The following ZNF407 variants were observed in gnomAD, a reference collection of about 807,000 sequenced individuals.
ZNF407 encodes the protein zinc finger protein 407.
Under a neutral mutation model 131.2 loss-of-function variants are expected in ZNF407, and 17 were observed. The observed-to-expected ratio is 0.13, with a 90% confidence interval of 0.09 to 0.19. The LOEUF (loss-of-function observed/expected upper bound fraction) is 0.19, where lower values mean the gene tolerates loss of function less well. ZNF407 is among the 10% of genes least tolerant of loss of function. The pLI, the probability that ZNF407 is intolerant of heterozygous loss-of-function variation, is 1.00. For missense variants in ZNF407, 2,681 were observed against 2,830.6 expected, an observed-to-expected ratio of 0.95 and a Z score of 1.20; for synonymous variants, 1,156 against 1,062.0, an observed-to-expected ratio of 1.09 and a Z score of -1.72.
intron 3 of ZNF407, among the ~76,000 whole-genome samples, chr18:74,688,632 A>G (rs1967150373): frequency 6.6e-6 from 1 of 152,138 alleles, no homozygotes; most frequent in Admixed American, 6.6e-5. Flanking sequence ...TTCTATTTTT[A>G]ATAGAAGTTT....
chr18:74,707,700 T>C (rs997327310), intron 3 of ZNF407, among the ~76,000 whole-genome samples: 5 of 152,238 alleles, frequency 3.3e-5, no homozygotes, highest in African/African-American at 4.8e-5. Flanking sequence ...TTGGTATTAG[T>C]CTTATACTTT....
intron 8 of ZNF407, among the ~76,000 whole-genome samples, chr18:75,041,606 G>A (rs1455732108): frequency 1.4e-5 from 2 of 146,410 alleles, no homozygotes; most frequent in Non-Finnish European, 3.0e-5. Context: ...TGTAGCGCAT[G>A]TGTGTGCATG....
At chr18:75,005,711 C>G (rs1423151401) in intron 8 of ZNF407, among the ~76,000 whole-genome samples, 1 of 128,640 alleles carries the variant, frequency 7.8e-6, no homozygotes, top group Non-Finnish European at 1.6e-5. Flanking sequence ...CCCCCCCACC[C>G]ACCCCCCGCC....
At chr18:74,676,593 T>TAC (rs1568161408) in intron 3 of ZNF407, among the ~76,000 whole-genome samples, 4 of 145,258 alleles carry the variant, frequency 2.8e-5, no homozygotes, top group Non-Finnish European at 4.5e-5. Context: ...CCCACCACCG[T>TAC]GCCCGGGTAA....
At chr18:74,949,598 TG>T (rs1972190988) in intron 8 of ZNF407, among the ~76,000 whole-genome samples, 1 of 152,214 alleles carries the variant, frequency 6.6e-6, no homozygotes, top group Non-Finnish European at 1.5e-5. Flanking sequence ...TTCTGAAAGG[TG>T]GCCCACACTT....
rs112370735 is a variant in ZNF407, at chr18:75,064,004, G to A, written c.6283G>A (p.Gly2095Ser). ...QFAVCDTAAA[G>S]QLVKDGVTQV... Reference sequence around the variant, plus strand: ...TGCTGTGTGTGACACGGCCGCGGCCGGCCAGTTGGTCAAGGACGGTGTCAC... The same window carrying A: ...TGCTGTGTGTGACACGGCCGCGGCCAGCCAGTTGGTCAAGGACGGTGTCAC... Residue 2095 changes from glycine (G) to serine (S), a missense_variant, in exon 9 of 9, where the codon GGC becomes AGC. Coordinates refer to ENST00000299687, the MANE Select transcript of ZNF407 (RefSeq NM_017757.3). The A allele has an allele frequency of 4.8e-5, 77 of 1,610,184 alleles. 1 individual carries two copies. The highest frequency in any genetic ancestry group is 4.0e-4 in the African/African-American group (30 of 74,854).
intron 3 of ZNF407, among the ~76,000 whole-genome samples, chr18:74,767,310 A>G (rs1334428466): frequency 6.6e-6 from 1 of 152,114 alleles, no homozygotes; most frequent in Non-Finnish European, 1.5e-5. Flanking sequence ...TTCAACCGTA[A>G]TTCTTCTTAA....
chr18:74,634,440 G>A lies in ZNF407; in HGVS notation c.3421G>A (p.Val1141Met). The change falls in exon 2 of 9, where the codon GTG becomes ATG. Residue 1141 changes from valine (V) to methionine (M), a missense_variant. Val to Met is a conservative substitution (Grantham distance 21, BLOSUM62 1). Transcript: ENST00000299687. Reference sequence around the variant, plus strand: ...GAATACTAATTTAGATATGTCTAAAGTGCTCTGCGCTGCTGACTCTGTAGA... The same window carrying A: ...GAATACTAATTTAGATATGTCTAAAATGCTCTGCGCTGCTGACTCTGTAGA... ...NENTNLDMSKVLCAADSVEVE... is the reference protein window; with the variant it reads ...NENTNLDMSKMLCAADSVEVE... 1 of 1,613,614 alleles carries A rather than the reference G, an allele frequency of 6.2e-7. No individual in the cohort carries two copies. The highest frequency in any genetic ancestry group is 8.5e-7 in the Non-Finnish European group (1 of 1,179,828).
At chr18:74,824,924 G>A (rs543333320) in intron 4 of ZNF407, among the ~76,000 whole-genome samples, 2 of 151,970 alleles carry the variant, frequency 1.3e-5, no homozygotes, top group East Asian at 3.9e-4. Context: ...AAAAGTTCAG[G>A]CCAGTATCCC....
At chr18:74,896,292 A>G (rs1971452243) in intron 7 of ZNF407, among the ~76,000 whole-genome samples, 1 of 151,842 alleles carries the variant, frequency 6.6e-6, no homozygotes, top group African/African-American at 2.4e-5. Flanking sequence ...ACCAGTCAAC[A>G]CGTTTCCATT....
In ZNF407 at chr18:74,777,835, A is replaced by G. The variant is rs1416917827; in HGVS notation, c.4803-3593A>G. Among the ~76,000 whole-genome samples, 3 of 152,048 alleles carry G rather than the reference A, an allele frequency of 2.0e-5. No homozygotes were observed. The East Asian group carries it at 5.9e-4, about 30-fold the overall frequency. On this transcript the variant is annotated intron_variant, in intron 3 of 8. Coordinates refer to ENST00000299687, the MANE Select transcript of ZNF407 (RefSeq NM_017757.3). ...GGTGGCTCACACCTGTAATCCCAGG[A>G]CTTTGGGACTTCTAGGCAGGAGGAT...
chr18:74,938,659 T>C (rs1009442670), intron 8 of ZNF407, among the ~76,000 whole-genome samples: 7 of 152,214 alleles, frequency 4.6e-5, no homozygotes, highest in Non-Finnish European at 8.8e-5. Flanking sequence ...TGAATGTAGA[T>C]TGCACCTTCT....
intron 3 of ZNF407, among the ~76,000 whole-genome samples, chr18:74,722,246 A>G (rs1340029298): frequency 6.6e-6 from 1 of 151,792 alleles, no homozygotes; most frequent in Non-Finnish European, 1.5e-5. Flanking sequence ...CTGTACTTTT[A>G]TTGGAATGCT....
chr18:74,750,109 ACTTTT>A (rs1351492537), intron 3 of ZNF407, among the ~76,000 whole-genome samples: 2 of 152,074 alleles, frequency 1.3e-5, no homozygotes, highest in African/African-American at 2.4e-5. Context: ...ATTTTCTCAC[ACTTTT>A]CTTCTCTTCC....
At chr18:74,912,622 A>G (rs558217379) in intron 7 of ZNF407, among the ~76,000 whole-genome samples, 17 of 152,342 alleles carry the variant, frequency 1.1e-4, no homozygotes, top group Admixed American at 9.1e-4. Flanking sequence ...GTTGATTTTG[A>G]ATCAAATCTA....
At chr18:75,038,151 G>T (rs1251689622) in intron 8 of ZNF407, among the ~76,000 whole-genome samples, 1 of 152,178 alleles carries the variant, frequency 6.6e-6, no homozygotes, top group East Asian at 1.9e-4. Context: ...AGCTTTGTGG[G>T]TTTATCAGCT....
intron 8 of ZNF407, among the ~76,000 whole-genome samples, chr18:75,017,923 T>G (rs1377925095): frequency 6.6e-6 from 1 of 152,130 alleles, no homozygotes; most frequent in Non-Finnish European, 1.5e-5. Context: ...AGGACCTGAG[T>G]TTTTTTAACT....
intron 4 of ZNF407, among the ~76,000 whole-genome samples, chr18:74,808,896 A>C (rs1316768284): frequency 6.6e-6 from 1 of 152,184 alleles, no homozygotes; most frequent in African/African-American, 2.4e-5. Context: ...TATATCAGAG[A>C]CATGTTTCTT....
chr18:74,962,419 CCT>C (rs760121181), intron 8 of ZNF407, among the ~76,000 whole-genome samples: 10 of 152,220 alleles, frequency 6.6e-5, no homozygotes, highest in Non-Finnish European at 1.3e-4. Flanking sequence ...GGCGTGGGCC[CCT>C]GTTTCTCCAG....
Sources: allele counts gnomAD v4.1 joint callset (sites outside exome capture counted in the v4.1 genomes callset), GRCh38; gene constraint gnomAD v4.1.1; transcripts MANE v1.5; gene names NCBI Gene and HGNC (gene_info 2026-07-23, HGNC 2026-07-21).